LIFR: variants seen among roughly 807,000 people sequenced by gnomAD.
LIFR encodes the protein LIF receptor subunit alpha, also known as leukemia inhibitory factor receptor.
A neutral mutation model predicts 122.2 loss-of-function variants in LIFR; 84 were observed. The observed-to-expected ratio is 0.69, with a 90% confidence interval of 0.58 to 0.82. The LOEUF is 0.82. LIFR is among the 40% of genes least tolerant of loss of function. The pLI is 0.00. For missense variants in LIFR, 1,294 were observed against 1,311.6 expected (o/e 0.99, Z 0.21); for synonymous variants, 422 against 434.7 (o/e 0.97, Z 0.36).
chr5:38,572,482 AT>A (rs1387966908), intron 1 of LIFR, among the ~76,000 whole-genome samples: 1 of 152,178 alleles, frequency 6.6e-6, no homozygotes, highest in Non-Finnish European at 1.5e-5. Context: ...ATAATTCAAC[AT>A]GAGGTTTGGG....
rs780213991 is a variant in LIFR, at chr5:38,510,481, G to T, written c.974C>A (p.Thr325Asn). ...ATACTTACATCCAGCAAAAATAACGGTTCCAAATATGTTATCTTCGGTTGT... is the reference window on the plus strand; with the variant it reads ...ATACTTACATCCAGCAAAAATAACGTTTCCAAATATGTTATCTTCGGTTGT... ...VFTTEDNIFG[T>N]VIFAGYPPDT... Residue 325 changes from threonine to asparagine, a missense_variant, in exon 7 of 20, where the codon ACC becomes AAC. By Grantham distance (65) the Thr-to-Asn change is moderately conservative. Transcript: ENST00000453190. The T allele has an allele frequency of 6.2e-7, 1 of 1,613,236 alleles. No individual in the cohort carries two copies. Among genetic ancestry groups the T allele is most frequent in the South Asian group, 1.1e-5 (1 of 91,066 alleles).
rs1580109488 is a variant in LIFR at position 38,523,701 on chromosome 5, T to C, written c.398-119A>G. 5 of 857,374 alleles carry C rather than the reference T, an allele frequency of 5.8e-6. No homozygotes were observed. The East Asian group carries it at 1.0e-4, about 17-fold the overall frequency. 53.1% of individuals were successfully genotyped at this position (857,374 alleles called of 1,614,324 possible). A position where few individuals can be genotyped will look rare whatever the true frequency, so the allele number is the denominator to read the frequency against. The stretch of plus-strand genomic sequence containing the variant: ...TCCTTCTTGATCAAAAAATCAATAA[T>C]CAAGATTTAAAAGGAAACTCTAGAA... On this transcript the variant is annotated intron_variant, in intron 4 of 19. Coordinates refer to ENST00000453190, the MANE Select transcript of LIFR (RefSeq NM_001127671.2).
chr5:38,493,880 T>C (rs1056526244), intron 13 of LIFR, 95 bp from the exon 14 acceptor site: 3 of 982,192 alleles, frequency 3.1e-6, no homozygotes, highest in African/African-American at 3.2e-5. Context: ...AATCACTTCA[T>C]TGTGAAGAAA....
chr5:38,576,511 C>T (rs1749390724), intron 1 of LIFR, among the ~76,000 whole-genome samples: 2 of 152,194 alleles, frequency 1.3e-5, no homozygotes, highest in Admixed American at 1.3e-4. Flanking sequence ...CCTAGCTTTC[C>T]ATGACAGACT....
chr5:38,511,101 CTAAT>C (rs1370397499), intron 6 of LIFR, among the ~76,000 whole-genome samples: 3 of 152,172 alleles, frequency 2.0e-5, no homozygotes, highest in Non-Finnish European at 4.4e-5. Flanking sequence ...CCAAAAATCA[CTAAT>C]TAAATAATTC....
At chr5:38,541,493 A>G (rs1747590254) in intron 1 of LIFR, among the ~76,000 whole-genome samples, 1 of 152,242 alleles carries the variant, frequency 6.6e-6, no homozygotes, top group Middle Eastern at 3.2e-3. Flanking sequence ...TACATGAAAG[A>G]TGAGTATTAG....
chr5:38,479,413 TAAG>T lies in LIFR; in HGVS notation c.*2179_*2181del, dbSNP rs1489917073. 8 of 230,412 alleles carry T rather than the reference TAAG, an allele frequency of 3.5e-5. No individual in the cohort carries two copies. The East Asian group carries it at 4.9e-4, about 14-fold the overall frequency. The allele number at this position is 230,412 out of a possible 1,614,324, so 14.3% of individuals were successfully genotyped here. A position where few individuals can be genotyped will look rare whatever the true frequency, so the allele number is the denominator to read the frequency against. The stretch of plus-strand genomic sequence containing the variant: ...AAGTCTTGGATAGAACGAAAGGACT[TAAG>T]AGCCCCAGTGATATTCATCATTAAC... On this transcript the variant is annotated 3_prime_UTR_variant, in exon 20 of 20. Transcript: ENST00000453190.
Position 38,482,210 on chromosome 5 carries a change from A to T in LIFR, c.2679T>A (p.Ser893Arg), listed in dbSNP as rs376229947. The change falls in exon 20 of 20, where the codon AGT (serine) becomes AGA (arginine). Residue 893 changes from serine (S) to arginine (R), a missense_variant. By Grantham distance (110) the Ser-to-Arg change is moderately radical. Transcript: ENST00000453190. ...GATTCATTTCCAATGTTTTAAGAGC[A>T]CTGCTTCCCTAGAAATAAATTTAAA... is the stretch of plus-strand genomic sequence containing the variant. Reference protein sequence around the residue: ...QFQKSVCEGSSALKTLEMNPC... With the variant: ...QFQKSVCEGSRALKTLEMNPC... 4 of 1,604,554 alleles carry T rather than the reference A, an allele frequency of 2.5e-6. No individual in the cohort carries two copies. Among genetic ancestry groups the T allele is most frequent in the Non-Finnish European group, 3.4e-6 (4 of 1,177,616 alleles).
intron 1 of LIFR, among the ~76,000 whole-genome samples, chr5:38,582,188 G>T (rs549504799): frequency 6.6e-6 from 1 of 152,008 alleles, no homozygotes; most frequent in East Asian, 1.9e-4. Context: ...AGCCTCCCAA[G>T]TAGCACGTGA....
rs749319993 is a variant in LIFR, at chr5:38,486,785, T to TA, written c.2336-806dup. On this transcript the variant is annotated intron_variant, in intron 16 of 19. Transcript: ENST00000453190. ...CATACTTTATAAGGGCAGATAAAGA[T>TA]AGAGCTCTTTTACGCTACCATCACC... Among the ~76,000 whole-genome samples, 26 of 152,292 alleles carry TA rather than the reference T, an allele frequency of 1.7e-4. 1 individual carries two copies. In the East Asian group the frequency reaches 2.5e-3, roughly 15 times the overall value.
In LIFR at chr5:38,496,494, C is replaced by T. The variant is rs2112430434; in HGVS notation, c.1773G>A (p.Gln591=). 1 of 1,613,852 alleles carries T rather than the reference C, an allele frequency of 6.2e-7. No individual in the cohort carries two copies. Among genetic ancestry groups the T allele is most frequent in the South Asian group, 1.1e-5 (1 of 91,072 alleles). ...TATCAAGTCGTATCTCTGCTTTGTG[C>T]TGAGGATCAGGGATTTCAGAAAGGG... ...TQSLSEIPDP[Q]HKAEIRLDKN... Residue 591 remains glutamine (Q), a synonymous_variant, in exon 13 of 20, where the codon CAG becomes CAA. Transcript: ENST00000453190.
chr5:38,490,117 C>A (rs1744502052), intron 15 of LIFR, 73 bp downstream of exon 15: 1 of 503,212 alleles, frequency 2.0e-6, no homozygotes, highest in South Asian at 3.3e-5. Context: ...AGAATTCAAT[C>A]ATACCATTGT....
intron 2 of LIFR, among the ~76,000 whole-genome samples, chr5:38,606,041 AG>A (rs1750321361): frequency 6.6e-6 from 1 of 152,204 alleles, no homozygotes; most frequent in Admixed American, 6.5e-5. Context: ...TGTCTCAGAT[AG>A]TTGGGGTTCA....
chr5:38,507,719 A>G (rs1451493642), intron 7 of LIFR, among the ~76,000 whole-genome samples: 1 of 152,090 alleles, frequency 6.6e-6, no homozygotes, highest in African/African-American at 2.4e-5. Context: ...ACTTTAGGTA[A>G]AAGTTCTTTT....
intron 16 of LIFR, among the ~76,000 whole-genome samples, chr5:38,486,367 T>G (rs1744285770): frequency 6.6e-6 from 1 of 152,048 alleles, no homozygotes; most frequent in South Asian, 2.1e-4. Flanking sequence ...AGCCTTCCCA[T>G]GAGTGAGAGT....
upstream of LIFR, among the ~76,000 whole-genome samples, chr5:38,560,842 C>T (rs1016526537): frequency 6.6e-6 from 1 of 152,100 alleles, no homozygotes. Flanking sequence ...ATAATCCACC[C>T]ACCTCGGCCT....
chr5:38,493,527 C>T (rs1744709476), intron 14 of LIFR, 79 bp downstream of exon 14: 1 of 1,367,422 alleles, frequency 7.3e-7, no homozygotes, highest in African/African-American at 1.4e-5. Flanking sequence ...AAGAGAATCA[C>T]TTCACTGCAC....
intron 1 of LIFR, among the ~76,000 whole-genome samples, chr5:38,572,553 G>A (rs954915035): frequency 6.6e-5 from 10 of 152,154 alleles, no homozygotes; most frequent in Admixed American, 3.9e-4. Flanking sequence ...CTCAACATTT[G>A]TGCTACCACC....
chr5:38,501,991 T>C (rs1287972862), intron 11 of LIFR, among the ~76,000 whole-genome samples: 1 of 150,532 alleles, frequency 6.6e-6, no homozygotes, highest in Non-Finnish European at 1.5e-5. Context: ...GTTTTTTTTT[T>C]TTAAAAAAAA....
Sources: gnomAD v4.1 joint callset for allele counts (sites outside exome capture counted in the v4.1 genomes callset) on GRCh38, gnomAD v4.1.1 for gene constraint, MANE v1.5 for transcripts, NCBI Gene and HGNC (gene_info 2026-07-23, HGNC 2026-07-21) for gene names.